The following HDAC4 variants were observed in gnomAD, a reference collection of about 807,000 sequenced individuals.
HDAC4 encodes the protein histone deacetylase A.
In HDAC4, 16 loss-of-function variants were observed where a neutral mutation model predicts 135.1. The observed-to-expected ratio is 0.12, with a 90% CI of 0.08 to 0.18. The LOEUF (loss-of-function observed/expected upper bound fraction) is 0.18, where lower values mean the gene tolerates loss of function less well. HDAC4 is among the 10% of genes least tolerant of loss of function. The probability of loss-of-function intolerance (pLI) is 1.00; values close to 1 mark genes in which losing one functional copy is unlikely to be tolerated. For missense variants in HDAC4, 1,143 were observed against 1,511.8 expected, an observed-to-expected ratio of 0.76 and a Z score of 4.05; for synonymous variants, 685 against 653.4, an observed-to-expected ratio of 1.05 and a Z score of -0.74.
intron 2 of HDAC4, among the ~76,000 whole-genome samples, chr2:239,322,346 C>T (rs937172062): frequency 1.3e-5 from 2 of 152,226 alleles, no homozygotes; most frequent in Non-Finnish European, 2.9e-5. Flanking sequence ...AGTTGCTTGG[C>T]ACAGCCCCTT....
In HDAC4 at chr2:239,215,550, G is replaced by A. The variant is rs981048469; in HGVS notation, c.94+21043C>T. Among the ~76,000 whole-genome samples the A allele has an allele frequency of 7.2e-5, 11 of 152,204 alleles. 1 individual carries two copies. Among genetic ancestry groups the A allele is most frequent in the African/African-American group, 1.9e-4 (8 of 41,448 alleles). ...GCTCAGGACGGGGCTGGCTCAAGGC[G>A]CAGGGAGATCGAGTTCTGCCCACCT... On this transcript the variant is annotated intron_variant, in intron 3 of 26. Coordinates refer to ENST00000543185, the MANE Select transcript of HDAC4 (RefSeq NM_001378414.1).
chr2:239,281,857 TACAC>T (rs1482999533), intron 2 of HDAC4, among the ~76,000 whole-genome samples: 4 of 144,156 alleles, frequency 2.8e-5, no homozygotes, highest in Non-Finnish European at 6.0e-5. Flanking sequence ...CACACCACTC[TACAC>T]ACAATGTACA....
At chr2:239,191,880 GA>G (rs1390025144) in intron 3 of HDAC4, among the ~76,000 whole-genome samples, 1 of 152,250 alleles carries the variant, frequency 6.6e-6, no homozygotes, top group Non-Finnish European at 1.5e-5. Flanking sequence ...AAGCAACCCA[GA>G]AGGTGACAGA....
intron 3 of HDAC4, among the ~76,000 whole-genome samples, chr2:239,217,613 C>T (rs2046713262): frequency 6.6e-6 from 1 of 152,234 alleles, no homozygotes. Flanking sequence ...GGTGCTGGAA[C>T]AGGAAAGCAC....
At position 239,331,397 on chromosome 2, in the gene HDAC4, A is replaced by G. The variant is rs1691564463; in HGVS notation, c.22+21281T>C. ...GCATTTATAAGGTGCGACATAAATC[A>G]CCTCATAAAATATCTGAATAAAAGT... On this transcript the variant is annotated intron_variant, in intron 2 of 26. Transcript: ENST00000543185. This position sits in a 1 kb window ranked among gnomAD's most constrained non-coding sequence, Gnocchi z 4.5. Among the ~76,000 whole-genome samples, 2 of 152,192 alleles carry G rather than the reference A, an allele frequency of 1.3e-5. No homozygotes were observed. Among genetic ancestry groups the G allele is most frequent in the African/African-American group, 4.8e-5 (2 of 41,434 alleles).
At chr2:239,325,497 T>C (rs1230824885) in intron 2 of HDAC4, among the ~76,000 whole-genome samples, 2 of 152,146 alleles carry the variant, frequency 1.3e-5, no homozygotes, top group Non-Finnish European at 2.9e-5. Context: ...ATTAGGCAAA[T>C]ACAAATCACA....
Position 239,134,254 on chromosome 2 carries a change from G to A in HDAC4, c.1285C>T (p.Leu429Phe). The A allele has an allele frequency of 1.2e-6, 2 of 1,611,202 alleles. No homozygotes were observed. Among genetic ancestry groups the A allele is most frequent in the Non-Finnish European group, 1.7e-6 (2 of 1,179,868 alleles). ...LLEQPPAQAP[L>F]VTDWYLSGLG... ...GCCCATTTGTGCTCACCTGTGACGA[G>A]GGGTGCTTGTGCCGGCGGCTGCTCC... The change falls in exon 11 of 27, where the codon CTC becomes TTC. Residue 429 changes from leucine to phenylalanine, a missense_variant. By Grantham distance (22) the Leu-to-Phe change is conservative. Around this residue, in one of 9 missense-constraint regions of HDAC4, gnomAD observed 272 missense variants for 309.7 expected, o/e 0.88. Coordinates refer to ENST00000543185, the MANE Select transcript of HDAC4 (RefSeq NM_001378414.1).
intron 2 of HDAC4, among the ~76,000 whole-genome samples, chr2:239,268,808 G>A (rs1255421458): frequency 6.6e-6 from 1 of 152,222 alleles, no homozygotes; most frequent in Non-Finnish European, 1.5e-5. Context: ...GGTCAGACAG[G>A]CAAGCTTTTG....
chr2:239,248,406 C>A (rs2048592686), intron 2 of HDAC4, among the ~76,000 whole-genome samples: 1 of 152,152 alleles, frequency 6.6e-6, no homozygotes, highest in African/African-American at 2.4e-5. Flanking sequence ...TGGTGTCAAT[C>A]TCCTGACCTC....
At position 239,291,652 on chromosome 2, in the gene HDAC4, C is replaced by G. The variant is rs6543520; in HGVS notation, c.23-54988G>C. ...GCTTTAAAAGACAACCTACAATTAA[C>G]ACAGGGACAATTATCTTCCTAATTT... On this transcript the variant is annotated intron_variant, in intron 2 of 26. Coordinates refer to ENST00000543185, the MANE Select transcript of HDAC4 (RefSeq NM_001378414.1). Among the ~76,000 whole-genome samples the G allele has an allele frequency of 2.8e-3, 424 of 152,356 alleles. 2 individuals are homozygous for G. The highest frequency in any genetic ancestry group is 9.5e-3 in the African/African-American group (397 of 41,578).
intron 3 of HDAC4, among the ~76,000 whole-genome samples, chr2:239,201,015 C>T (rs375480980): frequency 9.1e-4 from 139 of 152,276 alleles, no homozygotes; most frequent in African/African-American, 3.0e-3. Context: ...TCTTCACTAC[C>T]GGGGAATCAC....
intron 17 of HDAC4, 151 bp from the exon 18 acceptor site, chr2:239,090,267 T>C: frequency 1.5e-6 from 1 of 685,328 alleles, no homozygotes; most frequent in South Asian, 1.6e-5. Flanking sequence ...ACGTTCAGCC[T>C]TCAATCTTTT....
Position 239,115,823 on chromosome 2 carries a change from G to A in HDAC4, c.1534-513C>T, listed in dbSNP as rs1032918121. Among the ~76,000 whole-genome samples the A allele has an allele frequency of 1.3e-5, 2 of 150,988 alleles. No homozygotes were observed. The highest frequency in any genetic ancestry group is 1.3e-4 in the Admixed American group (2 of 15,162). The stretch of plus-strand genomic sequence containing the variant: ...CTGCAGGATCCCACCGATGTGCCAT[G>A]ACCTCCCTCCTGCCGGATCCTGGGA... On this transcript the variant is annotated intron_variant, in intron 12 of 26. Transcript: ENST00000543185. The surrounding 1 kb of genome is among the most constrained non-coding windows in gnomAD (Gnocchi z 6.3).
At chr2:239,186,174 G>GA (rs2044539881) in intron 4 of HDAC4, among the ~76,000 whole-genome samples, 1 of 152,080 alleles carries the variant, frequency 6.6e-6, no homozygotes, top group Admixed American at 6.5e-5. Context: ...CAGGAAACCG[G>GA]AAAGTCCAAG....
intron 22 of HDAC4, among the ~76,000 whole-genome samples, chr2:239,070,313 C>G (rs1188065331): frequency 1.3e-5 from 2 of 152,196 alleles, no homozygotes; most frequent in Non-Finnish European, 2.9e-5. Flanking sequence ...TAAGAGAATT[C>G]ACTGGAAAAG....
chr2:239,378,031 C>T (rs75579850), intron 1 of HDAC4, among the ~76,000 whole-genome samples: 2,906 of 152,308 alleles, frequency 0.019, 112 homozygotes, highest in East Asian at 0.14. Flanking sequence ...GGAGACGTCG[C>T]GTCCTGAGGC....
At position 239,400,421 on chromosome 2, in the gene HDAC4, C is replaced by A. The variant is rs1237652122; in HGVS notation, c.-220+557G>T. 1 of 146,334 alleles carries A rather than the reference C, an allele frequency of 6.8e-6. No individual in the cohort carries two copies. Among genetic ancestry groups the A allele is most frequent in the African/African-American group, 2.4e-5 (1 of 40,828 alleles). The allele number at this position is 146,334 out of a possible 1,614,324, so 9.1% of individuals were successfully genotyped here. Reference sequence around the variant, plus strand: ...CCCGCACCGGGAGACGGCGCCGCTGCCTGCCGTGCCCACCCCCGCGCCCCC... The same window carrying A: ...CCCGCACCGGGAGACGGCGCCGCTGACTGCCGTGCCCACCCCCGCGCCCCC... On this transcript the variant is annotated intron_variant, in intron 1 of 26. Coordinates refer to ENST00000543185, the MANE Select transcript of HDAC4 (RefSeq NM_001378414.1). The surrounding 1 kb of genome is among the most constrained non-coding windows in gnomAD (Gnocchi z 4.7).
chr2:239,062,350 C>T (rs979674481), intron 24 of HDAC4, among the ~76,000 whole-genome samples: 7 of 152,214 alleles, frequency 4.6e-5, no homozygotes, highest in African/African-American at 1.7e-4. Flanking sequence ...AGCTGGCGGC[C>T]CCGCCTGTGT....
chr2:239,381,428 G>A (rs1465041488), intron 1 of HDAC4, among the ~76,000 whole-genome samples: 2 of 152,096 alleles, frequency 1.3e-5, no homozygotes, highest in Non-Finnish European at 1.5e-5. Flanking sequence ...ATGGAGAAAT[G>A]AAAAGAAACG....
Sources: allele counts gnomAD v4.1 joint callset (sites outside exome capture counted in the v4.1 genomes callset), GRCh38; gene constraint gnomAD v4.1.1; regional missense constraint gnomAD v4.1.1; non-coding constraint Gnocchi (gnomAD v3.1); transcripts MANE v1.5; gene names NCBI Gene and HGNC (gene_info 2026-07-23, HGNC 2026-07-21).